Variants in MAOA observed in about 807,000 individuals in gnomAD.
MAOA encodes the protein monoamine oxidase A.
A neutral mutation model predicts 42.0 loss-of-function variants in MAOA; 6 were observed. That is an observed-to-expected ratio of 0.14 (90% CI 0.08 to 0.28). MAOA has a LOEUF of 0.28. MAOA is among the 10% of genes least tolerant of loss of function. MAOA has a pLI of 1.00. For missense variants in MAOA, 262 were observed against 422.3 expected, an observed-to-expected ratio of 0.62 and a Z score of 3.33; for synonymous variants, 140 against 154.0, an observed-to-expected ratio of 0.91 and a Z score of 0.67.
intron 3 of MAOA, among the ~76,000 whole-genome samples, chrX:43,704,495 A>T (rs192032158): frequency 9.0e-6 from 1 of 111,199 alleles, no homozygotes; most frequent in African/African-American, 3.3e-5. Context: ...TCCTCAACCT[A>T]ATAAAGGCCA....
At chrX:43,659,899 C>G (rs1410492576) in intron 1 of MAOA, among the ~76,000 whole-genome samples, 1 of 111,333 alleles carries the variant, frequency 9.0e-6, no homozygotes, top group Non-Finnish European at 1.9e-5. Context: ...CTCCCTCCCC[C>G]CATCACCAGG....
intron 2 of MAOA, among the ~76,000 whole-genome samples, chrX:43,684,629 C>CA (rs1288672143): frequency 5.4e-5 from 6 of 111,275 alleles, no homozygotes; most frequent in African/African-American, 2.0e-4. Flanking sequence ...CTAGAGTACA[C>CA]AAATAGAGTG....
rs182897676 is a variant in MAOA, at chrX:43,663,368, G to A, written c.73+6954G>A. ...GCACACTCAATAACAATATTTAATT[G>A]ATTGACTAAGAGTGTTAAGAACATA... On this transcript the variant is annotated intron_variant, in intron 1 of 14. Transcript: ENST00000338702. Among the ~76,000 whole-genome samples, 601 of 111,616 alleles carry A rather than the reference G, an allele frequency of 5.4e-3. 5 individuals carry two copies. Among genetic ancestry groups the A allele is most frequent in the Non-Finnish European group, 9.6e-3 (512 of 53,118 alleles).
At chrX:43,677,795 A>T (rs2033412065) in intron 1 of MAOA, among the ~76,000 whole-genome samples, 1 of 111,769 alleles carries the variant, frequency 8.9e-6, no homozygotes, top group South Asian at 3.7e-4. Flanking sequence ...ACTCTCATAG[A>T]AAACCACAGG....
chrX:43,693,160 C>A, intron 2 of MAOA, 131 bp from the exon 3 acceptor site: 1 of 598,742 alleles, frequency 1.7e-6, no homozygotes, highest in Non-Finnish European at 2.7e-6. Context: ...TTGCCATTTT[C>A]AGTTGCTCTT....
intron 9 of MAOA, among the ~76,000 whole-genome samples, chrX:43,735,568 G>T (rs1432251784): frequency 8.9e-6 from 1 of 112,474 alleles, no homozygotes; most frequent in East Asian, 2.8e-4. Flanking sequence ...GTGCTCTGGG[G>T]ATGACTACCT....
rs574432879 is a variant in MAOA at position 43,712,775 on chromosome X, T to C, written c.482T>C (p.Ile161Thr). The C allele has an allele frequency of 1.5e-5, 18 of 1,204,448 alleles. No individual in the cohort carries two copies. In the Admixed American group the frequency reaches 3.3e-4, roughly 22 times the overall value. ...GACAAAATGACCATGAAAGAGCTCA[T>C]TGACAAAATCTGCTGGACAAAGTAA... is the stretch of plus-strand genomic sequence containing the variant. ...KWDKMTMKEL[I>T]DKICWTKTAR... is the part of the protein sequence containing the mutation. Residue 161 changes from isoleucine to threonine, a missense_variant, in exon 5 of 15, where the codon ATT becomes ACT. By Grantham distance (89) the Ile-to-Thr change is moderately conservative. Around this residue, in one of 3 missense-constraint regions of MAOA, gnomAD observed 141 missense variants for 195.6 expected, o/e 0.72. Coordinates refer to ENST00000338702, the MANE Select transcript of MAOA (RefSeq NM_000240.4).
intron 1 of MAOA, among the ~76,000 whole-genome samples, chrX:43,679,029 TAACC>T (rs2033422629): frequency 8.9e-6 from 1 of 111,804 alleles, no homozygotes; most frequent in African/African-American, 3.2e-5. Context: ...ACTTAAACCT[TAACC>T]CTTCAAATTC....
At chrX:43,686,230 G>A (rs2033486408) in intron 2 of MAOA, among the ~76,000 whole-genome samples, 1 of 112,091 alleles carries the variant, frequency 8.9e-6, no homozygotes, top group South Asian at 3.7e-4. Context: ...AGGAGCATTA[G>A]TCATGTTGCG....
intron 5 of MAOA, among the ~76,000 whole-genome samples, chrX:43,719,045 G>A (rs1225407007): frequency 9.1e-6 from 1 of 110,484 alleles, no homozygotes; most frequent in Non-Finnish European, 1.9e-5. Flanking sequence ...GTGGTGCCTG[G>A]GGGGACACAG....
At chrX:43,657,248 T>TTATATATATATATATGAACTGTGTTTA (rs1569187426) in intron 1 of MAOA, among the ~76,000 whole-genome samples, 14 of 87,779 alleles carry the variant, frequency 1.6e-4, no homozygotes, top group East Asian at 1.0e-3. Context: ...TGAACTGTGT[T>TTATATATATATATATGAACTGTGTTTA]TATATATATA....
intron 5 of MAOA, among the ~76,000 whole-genome samples, chrX:43,725,950 G>T (rs1408817630): frequency 8.9e-6 from 1 of 111,909 alleles, no homozygotes; most frequent in African/African-American, 3.3e-5. Flanking sequence ...GGCTGGATAT[G>T]AAATTCTGGG....
At chrX:43,680,822 G>A (rs752836402) in intron 1 of MAOA, among the ~76,000 whole-genome samples, 6 of 111,156 alleles carry the variant, frequency 5.4e-5, no homozygotes, top group East Asian at 2.8e-4. Flanking sequence ...GAGGTTCAGC[G>A]CAAATAGGAA....
At chrX:43,738,071 G>A (rs1165680435) in intron 10 of MAOA, among the ~76,000 whole-genome samples, 1 of 112,052 alleles carries the variant, frequency 8.9e-6, no homozygotes, top group Non-Finnish European at 1.9e-5. Flanking sequence ...GTTTTTATAA[G>A]ACCTATAGAT....
intron 9 of MAOA, among the ~76,000 whole-genome samples, chrX:43,733,402 C>T (rs971266484): frequency 8.1e-5 from 9 of 111,257 alleles, no homozygotes; most frequent in African/African-American, 2.3e-4. Context: ...GACCCAGGGC[C>T]TGGTTCTGTG....
intron 3 of MAOA, among the ~76,000 whole-genome samples, chrX:43,711,124 C>G (rs1404622114): frequency 1.8e-5 from 2 of 110,895 alleles, no homozygotes; most frequent in Non-Finnish European, 3.8e-5. Flanking sequence ...CACAGCCAGG[C>G]TATACCAGGA....
At chrX:43,664,628 A>G (rs1359640292) in intron 1 of MAOA, among the ~76,000 whole-genome samples, 1 of 112,169 alleles carries the variant, frequency 8.9e-6, no homozygotes, top group Non-Finnish European at 1.9e-5. Flanking sequence ...TCCAGATTAA[A>G]TGAGTTAGCT....
At chrX:43,714,481 G>A (rs1289583957) in intron 5 of MAOA, among the ~76,000 whole-genome samples, 2 of 110,715 alleles carry the variant, frequency 1.8e-5, no homozygotes, top group African/African-American at 6.6e-5. Context: ...ATGACCCAAA[G>A]GGGCAAAGGG....
intron 10 of MAOA, among the ~76,000 whole-genome samples, chrX:43,739,730 T>G (rs996833874): frequency 1.8e-5 from 2 of 112,403 alleles, no homozygotes; most frequent in African/African-American, 6.5e-5. Context: ...TTCCAGTTGC[T>G]TGTTATCCCT....
Sources: allele counts gnomAD v4.1 joint callset (sites outside exome capture counted in the v4.1 genomes callset), GRCh38; gene constraint gnomAD v4.1.1; regional missense constraint gnomAD v4.1.1; transcripts MANE v1.5; gene names NCBI Gene and HGNC (gene_info 2026-07-23, HGNC 2026-07-21).